Variants in DAB1 observed in about 807,000 individuals in gnomAD.
DAB1 encodes the protein DAB adaptor protein 1.
A neutral mutation model predicts 64.6 loss-of-function variants in DAB1; 15 were observed. The ratio of observed to expected loss-of-function variants is 0.23; its 90% CI spans 0.16 to 0.36. DAB1 has a LOEUF of 0.36. Among genes scored for constraint, DAB1 ranks in the 10% least tolerant of loss-of-function variants. The pLI is 1.00. For missense variants in DAB1, 596 were observed against 706.7 expected (o/e 0.84, Z 1.78); for synonymous variants, 235 against 251.9 (o/e 0.93, Z 0.64).
chr1:58,106,151 T>G (rs960167765), intron 5 of DAB1, among the ~76,000 whole-genome samples: 13 of 152,082 alleles, frequency 8.5e-5, no homozygotes, highest in Non-Finnish European at 1.8e-4. Context: ...TTTCTTTTCT[T>G]TCTTTCTTTC....
chr1:57,914,712 G>A (rs999951688), intron 5 of DAB1, among the ~76,000 whole-genome samples: 20 of 152,184 alleles, frequency 1.3e-4, no homozygotes, highest in Admixed American at 1.2e-3. Flanking sequence ...CTTAATGAAT[G>A]ACTGTAAACA....
rs779243565 is a variant in DAB1 at position 58,545,410 on chromosome 1, T to C, written n.32+1293A>G. On this transcript the variant is annotated intron_variant and non_coding_transcript_variant, in intron 1 of 20. Transcript: ENST00000485760. Reference sequence around the variant, plus strand: ...TGAATAGAAACAGTGCCTGATATTTTGTAATACCCGGTTTATCCTGAAGAA... The same window carrying C: ...TGAATAGAAACAGTGCCTGATATTTCGTAATACCCGGTTTATCCTGAAGAA... 4.3e-4 allele frequency among the ~76,000 whole-genome samples: 65 copies of C among 152,346 alleles called. 1 individual carries two copies. The highest frequency in any genetic ancestry group is 6.8e-3 in the Middle Eastern group (2 of 294).
intron 11 of DAB1, among the ~76,000 whole-genome samples, chr1:57,016,592 T>TA (rs569427918): frequency 0.015 from 2,076 of 138,628 alleles, 53 homozygotes; most frequent in African/African-American, 0.05. Flanking sequence ...CACTTGTCTC[T>TA]AAAAAAAAAA....
chr1:57,365,682 G>A (rs1172339089), intron 1 of DAB1, among the ~76,000 whole-genome samples: 1 of 151,976 alleles, frequency 6.6e-6, no homozygotes, highest in Non-Finnish European at 1.5e-5. Context: ...CACAAAATCC[G>A]TGTACTATCC....
At chr1:58,307,733 C>T (rs182676353) in intron 4 of DAB1, among the ~76,000 whole-genome samples, 1 of 151,398 alleles carries the variant, frequency 6.6e-6, no homozygotes, top group East Asian at 2.0e-4. Context: ...TGGGAAGCAT[C>T]AGCAGCATTT....
intron 6 of DAB1, among the ~76,000 whole-genome samples, chr1:57,669,970 T>C (rs1016778792): frequency 1.3e-5 from 2 of 152,126 alleles, no homozygotes; most frequent in Non-Finnish European, 2.9e-5. Context: ...AAAAATTTCT[T>C]CTCAAATATA....
intron 6 of DAB1, among the ~76,000 whole-genome samples, chr1:57,821,018 T>C (rs1295200656): frequency 6.6e-6 from 1 of 152,164 alleles, no homozygotes; most frequent in Non-Finnish European, 1.5e-5. Flanking sequence ...ACTTTCCACA[T>C]TAGTCTCTCG....
At chr1:58,502,312 C>G (rs1645919752) in intron 3 of DAB1, among the ~76,000 whole-genome samples, 1 of 152,226 alleles carries the variant, frequency 6.6e-6, no homozygotes, top group Non-Finnish European at 1.5e-5. Flanking sequence ...CCAACACAGG[C>G]TCTGTCTTCC....
At chr1:58,370,368 TGTGTGC>T (rs1217046681) in intron 3 of DAB1, among the ~76,000 whole-genome samples, 22 of 113,152 alleles carry the variant, frequency 1.9e-4, no homozygotes, top group African/African-American at 6.1e-4. Flanking sequence ...TACTTATGAG[TGTGTGC>T]GTGTGTGTGT....
rs577241966 is a variant in DAB1 at position 57,226,918 on chromosome 1, C to T, written c.67+64046G>A. 9.2e-5 allele frequency among the ~76,000 whole-genome samples: 14 copies of T among 152,006 alleles called. No individual in the cohort carries two copies. The South Asian group carries it at 2.5e-3, about 27-fold the overall frequency. On this transcript the variant is annotated intron_variant, in intron 2 of 14. Coordinates refer to ENST00000371236, the MANE Select transcript of DAB1 (RefSeq NM_001365792.1). ...ATGGGCCTGGTGCAGTGGCTTATGC[C>T]TGTAAACCCAGCACTTTGGGAGGCT...
chr1:57,919,629 G>A (rs1220605116), intron 5 of DAB1, among the ~76,000 whole-genome samples: 2 of 152,122 alleles, frequency 1.3e-5, no homozygotes, highest in Non-Finnish European at 2.9e-5. Context: ...GAATCTTTTT[G>A]AGCTCTATGG....
chr1:57,094,108 CAAAAA>C (rs59491159), intron 4 of DAB1, among the ~76,000 whole-genome samples: 2 of 112,654 alleles, frequency 1.8e-5, no homozygotes, highest in Admixed American at 9.1e-5. Flanking sequence ...GACTCTGCCT[CAAAAA>C]AAAAAAAAAA....
rs115298651 is a variant in DAB1 at position 57,210,091 on chromosome 1, A to G, written c.68-64662T>C. Among the ~76,000 whole-genome samples the G allele has an allele frequency of 8.5e-3, 1,299 of 152,312 alleles. 19 individuals are homozygous for G. Among genetic ancestry groups the G allele is most frequent in the African/African-American group, 0.029 (1,207 of 41,570 alleles). On this transcript the variant is annotated intron_variant, in intron 2 of 14. Coordinates refer to ENST00000371236, the MANE Select transcript of DAB1 (RefSeq NM_001365792.1). ...ATGCCTAACTTCTAGGATTATTATG[A>G]CAATTAAATGGGAAGGCAGAAAAAT...
chr1:57,423,539 G>A (rs1685095349), intron 1 of DAB1, among the ~76,000 whole-genome samples: 1 of 152,046 alleles, frequency 6.6e-6, no homozygotes, highest in African/African-American at 2.4e-5. Flanking sequence ...GACAGCGGGA[G>A]AAGGCAGGCT....
intron 4 of DAB1, among the ~76,000 whole-genome samples, chr1:57,086,644 AACACAC>A (rs368060919): frequency 0.024 from 2,813 of 118,598 alleles, 66 homozygotes; most frequent in African/African-American, 0.056. Context: ...TTCTGTCTTA[AACACAC>A]ACACACACAC....
intron 1 of DAB1, among the ~76,000 whole-genome samples, chr1:58,527,920 T>C (rs1232799627): frequency 2.0e-5 from 3 of 152,238 alleles, no homozygotes; most frequent in Admixed American, 2.0e-4. Flanking sequence ...ATTTTCCTAA[T>C]TACTTGTATT....
rs528051078 is a variant in DAB1, at chr1:57,692,821, G to T, written n.552-43156C>A. On this transcript the variant is annotated intron_variant and non_coding_transcript_variant, in intron 6 of 20. Transcript: ENST00000485760. ...AGGACTCTGCACCTTCTTAGGGGAA[G>T]AGTGTTGTTTTTACACTAACCAGTC... 1.1e-4 allele frequency among the ~76,000 whole-genome samples: 16 copies of T among 152,266 alleles called. No homozygotes were observed. The South Asian group carries it at 3.3e-3, about 32-fold the overall frequency.
chr1:57,116,479 A>G (rs982816106), intron 4 of DAB1, among the ~76,000 whole-genome samples: 3 of 148,386 alleles, frequency 2.0e-5, no homozygotes, highest in Non-Finnish European at 3.0e-5. Flanking sequence ...AAAAAAAAAA[A>G]AAAAGAAAGA....
intron 5 of DAB1, among the ~76,000 whole-genome samples, chr1:58,030,631 C>T (rs896840307): frequency 1.3e-5 from 2 of 152,168 alleles, no homozygotes; most frequent in African/African-American, 4.8e-5. Context: ...CATGAGATGG[C>T]CCCATCCTCA....
Sources: gnomAD v4.1 joint callset for allele counts (sites outside exome capture counted in the v4.1 genomes callset) on GRCh38, gnomAD v4.1.1 for gene constraint, MANE v1.5 for transcripts, NCBI Gene and HGNC (gene_info 2026-07-23, HGNC 2026-07-21) for gene names.